The following PIAS2 variants were observed in gnomAD, a reference collection of about 807,000 sequenced individuals.
The protein encoded by PIAS2 is protein inhibitor of activated STAT 2.
In PIAS2, 19 loss-of-function variants were observed where a neutral mutation model predicts 69.7. The ratio of observed to expected loss-of-function variants is 0.27; its 90% CI spans 0.19 to 0.40. The LOEUF is 0.40. Ranked by LOEUF, PIAS2 falls within the 10% of genes least tolerant of loss-of-function variation. The probability of loss-of-function intolerance (pLI) is 1.00; values close to 1 mark genes in which losing one functional copy is unlikely to be tolerated. For synonymous variants in PIAS2, 261 were observed against 263.2 expected (o/e 0.99, Z 0.08); for missense variants, 624 against 757.0 (o/e 0.82, Z 2.06).
chr18:46,810,471 A>G lies in PIAS2; in HGVS notation c.*1962T>C, dbSNP rs2040927127. The G allele has an allele frequency of 6.6e-6, 1 of 152,190 alleles. No homozygotes were observed. Among genetic ancestry groups the G allele is most frequent in the Admixed American group, 6.5e-5 (1 of 15,282 alleles). 9.4% of individuals were successfully genotyped at this position (152,190 alleles called of 1,614,324 possible). On this transcript the variant is annotated 3_prime_UTR_variant, in exon 14 of 14. Coordinates refer to ENST00000585916, the MANE Select transcript of PIAS2 (RefSeq NM_004671.5). ...GAGCAGCAACATAAAACTTTATTAG[A>G]AAGAAATACTATATCTGGACCAAAA...
At chr18:46,815,195 A>G (rs2041377996) in intron 13 of PIAS2, 117 bp downstream of exon 13, 1 of 775,370 alleles carries the variant, frequency 1.3e-6, no homozygotes, top group Non-Finnish European at 2.2e-6. Flanking sequence ...CTTCCTTTCC[A>G]TCAATGTAAG....
intron 9 of PIAS2, among the ~76,000 whole-genome samples, chr18:46,830,350 T>C (rs1167958462): frequency 6.6e-6 from 1 of 152,060 alleles, no homozygotes; most frequent in East Asian, 1.9e-4. Context: ...AAGTTCAAAT[T>C]AAGTCCGTAC....
chr18:46,915,879 A>G (rs2057794598), intron 1 of PIAS2, among the ~76,000 whole-genome samples: 1 of 152,166 alleles, frequency 6.6e-6, no homozygotes, highest in South Asian at 2.1e-4. Flanking sequence ...ATATAACTTC[A>G]GAGTTCAGTC....
chr18:46,840,777 A>G (rs2045263118), intron 8 of PIAS2, among the ~76,000 whole-genome samples: 1 of 152,184 alleles, frequency 6.6e-6, no homozygotes, highest in African/African-American at 2.4e-5. Context: ...ATTTAATCAG[A>G]TGATGATGCT....
intron 3 of PIAS2, among the ~76,000 whole-genome samples, chr18:46,858,539 A>G (rs1387020582): frequency 3.3e-5 from 5 of 152,140 alleles, no homozygotes; most frequent in African/African-American, 9.7e-5. Flanking sequence ...TATGCAAAAA[A>G]TAGAAAAATC....
intron 9 of PIAS2, among the ~76,000 whole-genome samples, chr18:46,831,657 T>TA (rs1403073582): frequency 6.6e-6 from 1 of 152,154 alleles, no homozygotes; most frequent in African/African-American, 2.4e-5. Context: ...AGATCACACA[T>TA]ATAGTCAATT....
chr18:46,855,012 T>A (rs1359714470), intron 5 of PIAS2, among the ~76,000 whole-genome samples: 1 of 148,882 alleles, frequency 6.7e-6, no homozygotes, highest in Non-Finnish European at 1.5e-5. Flanking sequence ...CACAACTGTA[T>A]TCCCCACTAC....
In PIAS2 at chr18:46,863,505, C is replaced by T. The variant is rs146669175; in HGVS notation, c.584+659G>A. Among the ~76,000 whole-genome samples the T allele has an allele frequency of 3.0e-3, 463 of 152,014 alleles. 2 individuals are homozygous for T. Among genetic ancestry groups the T allele is most frequent in the Middle Eastern group, 6.8e-3 (2 of 294 alleles). On this transcript the variant is annotated intron_variant, in intron 3 of 13. Coordinates refer to ENST00000585916, the MANE Select transcript of PIAS2 (RefSeq NM_004671.5). ...GTAGAGACAGGGTTTCACCATGTTG[C>T]CCAGGCTGGTCTGAACTCCTGGGCT...
chr18:46,822,589 G>A (rs913346685), intron 11 of PIAS2, among the ~76,000 whole-genome samples: 1 of 152,140 alleles, frequency 6.6e-6, no homozygotes, highest in African/African-American at 2.4e-5. Context: ...GAAGTTGGGA[G>A]GAGATAAAAT....
chr18:46,872,843 CCTGA>C (rs2050579365), intron 2 of PIAS2, among the ~76,000 whole-genome samples: 1 of 152,172 alleles, frequency 6.6e-6, no homozygotes, highest in Non-Finnish European at 1.5e-5. Flanking sequence ...CCAGGAAAAG[CCTGA>C]CTTTCTCCTA....
chr18:46,855,532 T>C (rs377282850), intron 4 of PIAS2, 33 bp downstream of exon 4: 6 of 1,600,004 alleles, frequency 3.7e-6, no homozygotes, highest in South Asian at 1.1e-5. Context: ...TAAGCAAGTA[T>C]AAAACTAAGG....
upstream of PIAS2, among the ~76,000 whole-genome samples, chr18:46,919,859 C>T (rs955460051): frequency 6.6e-6 from 1 of 152,048 alleles, no homozygotes; most frequent in Non-Finnish European, 1.5e-5. Flanking sequence ...ATTTATTCTC[C>T]GTAGACCTTG....
chr18:46,851,928 G>A (rs1212704224), intron 5 of PIAS2, among the ~76,000 whole-genome samples: 2 of 152,182 alleles, frequency 1.3e-5, no homozygotes, highest in African/African-American at 4.8e-5. Flanking sequence ...TCATGACTGT[G>A]TCAAGCTTTT....
intron 8 of PIAS2, among the ~76,000 whole-genome samples, chr18:46,843,606 T>C (rs2045739439): frequency 6.6e-6 from 1 of 152,194 alleles, no homozygotes; most frequent in African/African-American, 2.4e-5. Flanking sequence ...TCCCTCATAC[T>C]TTCTATGTAA....
chr18:46,850,321 CTTAG>C (rs1188723099), intron 5 of PIAS2, among the ~76,000 whole-genome samples: 1 of 152,136 alleles, frequency 6.6e-6, no homozygotes, highest in Non-Finnish European at 1.5e-5. Context: ...CCACACCGCA[CTTAG>C]TTAGGTCTCT....
chr18:46,893,920 G>A (rs750342656), intron 1 of PIAS2, among the ~76,000 whole-genome samples: 9 of 152,186 alleles, frequency 5.9e-5, no homozygotes, highest in Non-Finnish European at 1.3e-4. Context: ...GAGGTCAGGA[G>A]TTCAAGACCA....
At chr18:46,816,620 C>T in intron 12 of PIAS2, 1 of 254,598 alleles carries the variant, frequency 3.9e-6, no homozygotes, top group African/African-American at 2.3e-5. Context: ...TCACTATGCC[C>T]AGCTAATTAT....
intron 1 of PIAS2, among the ~76,000 whole-genome samples, chr18:46,910,141 A>C (rs576267467): frequency 3.3e-5 from 5 of 152,198 alleles, no homozygotes; most frequent in African/African-American, 1.2e-4. Context: ...GGGCAAGAAG[A>C]GCAAAACTCC....
chr18:46,850,717 C>T (rs530427601), intron 5 of PIAS2, among the ~76,000 whole-genome samples: 23 of 152,220 alleles, frequency 1.5e-4, no homozygotes, highest in Admixed American at 1.3e-4. Context: ...CATGAAGTTC[C>T]CCGTCAAGCT....
Sources: allele counts gnomAD v4.1 joint callset (sites outside exome capture counted in the v4.1 genomes callset), GRCh38; gene constraint gnomAD v4.1.1; transcripts MANE v1.5; gene names NCBI Gene and HGNC (gene_info 2026-07-23, HGNC 2026-07-21).